PDZRN4: variants seen among roughly 807,000 people sequenced by gnomAD.
The protein encoded by PDZRN4 is PDZ domain containing ring finger 4, also known as PDZ domain-containing RING finger protein 4.
Under a neutral mutation model 99.0 loss-of-function variants are expected in PDZRN4, and 70 were observed. The ratio of observed to expected loss-of-function variants is 0.71; its 90% CI spans 0.58 to 0.86. PDZRN4 has a LOEUF of 0.86. Ranked by LOEUF, PDZRN4 falls within the 40% of genes least tolerant of loss-of-function variation. The pLI is 0.00. For synonymous variants in PDZRN4, 551 were observed against 501.6 expected (o/e 1.10, Z -1.32); for missense variants, 1,474 against 1,331.2 (o/e 1.11, Z -1.67).
intron 3 of PDZRN4, among the ~76,000 whole-genome samples, chr12:41,211,979 G>A (rs532032601): frequency 1.1e-4 from 16 of 151,992 alleles, no homozygotes; most frequent in Middle Eastern, 3.4e-3. Flanking sequence ...GTTTTATGGA[G>A]AAACTCCCTT....
intron 3 of PDZRN4, among the ~76,000 whole-genome samples, chr12:41,422,162 T>A (rs1033850341): frequency 6.6e-6 from 1 of 152,180 alleles, no homozygotes; most frequent in African/African-American, 2.4e-5. Flanking sequence ...GTACACCATA[T>A]CATATGCTAT....
At chr12:41,320,199 G>A (rs1412387451) in intron 3 of PDZRN4, among the ~76,000 whole-genome samples, 10 of 152,114 alleles carry the variant, frequency 6.6e-5, no homozygotes, top group Non-Finnish European at 1.2e-4. Context: ...TGGTGGTCTC[G>A]CCATCCCACT....
chr12:41,517,597 G>A (rs1446535846), intron 5 of PDZRN4, among the ~76,000 whole-genome samples: 1 of 152,074 alleles, frequency 6.6e-6, no homozygotes, highest in African/African-American at 2.4e-5. Context: ...TGTGGCCCCA[G>A]TTCTAGATCT....
At chr12:41,435,344 G>C (rs2730830) in intron 3 of PDZRN4, among the ~76,000 whole-genome samples, 81,810 of 152,084 alleles carry the variant, frequency 0.54, 23,016 homozygotes, top group African/African-American at 0.72. Flanking sequence ...CCAATAAGAA[G>C]CAGTTTTGAT....
At chr12:41,556,172 C>A (rs1226074690) in intron 7 of PDZRN4, among the ~76,000 whole-genome samples, 1 of 152,212 alleles carries the variant, frequency 6.6e-6, no homozygotes, top group African/African-American at 2.4e-5. Context: ...ATATTAATGG[C>A]TATTATTACT....
intron 3 of PDZRN4, among the ~76,000 whole-genome samples, chr12:41,214,536 A>T (rs1950909020): frequency 6.6e-6 from 1 of 151,566 alleles, no homozygotes; most frequent in African/African-American, 2.4e-5. Flanking sequence ...AATTCTGGCT[A>T]GAATAAATAG....
intron 3 of PDZRN4, among the ~76,000 whole-genome samples, chr12:41,276,860 C>T (rs894887795): frequency 2.0e-5 from 3 of 152,094 alleles, no homozygotes; most frequent in African/African-American, 7.2e-5. Context: ...CTGGATAAAC[C>T]AGAGTCAGCA....
At chr12:41,533,740 GTCCACAT>G (rs1447536790) in intron 5 of PDZRN4, among the ~76,000 whole-genome samples, 1 of 152,042 alleles carries the variant, frequency 6.6e-6, no homozygotes, top group African/African-American at 2.4e-5. Context: ...GGTGGTTCTT[GTCCACAT>G]TTCCATTTTG....
chr12:41,377,064 T>C (rs182947635), intron 3 of PDZRN4, among the ~76,000 whole-genome samples: 1 of 152,340 alleles, frequency 6.6e-6, no homozygotes, highest in Admixed American at 6.5e-5. Flanking sequence ...TTTTCAGCTC[T>C]TCTTTCTATT....
rs186303037 is a variant in PDZRN4 at position 41,532,108 on chromosome 12, T to C, written c.1204-20548T>C. Among the ~76,000 whole-genome samples, 288 of 152,318 alleles carry C rather than the reference T, an allele frequency of 1.9e-3. 1 individual carries two copies. The highest frequency in any genetic ancestry group is 6.4e-3 in the African/African-American group (268 of 41,578). On this transcript the variant is annotated intron_variant, in intron 5 of 9. Coordinates refer to ENST00000402685, the MANE Select transcript of PDZRN4 (RefSeq NM_001164595.2). ...CCACAGAGATTATTTTTTACTGTGGTTAGAATTTGGGGCCTAAATTTATTT... is the reference window on the plus strand; with the variant it reads ...CCACAGAGATTATTTTTTACTGTGGCTAGAATTTGGGGCCTAAATTTATTT...
At chr12:41,230,181 T>C (rs1211153511) in intron 3 of PDZRN4, among the ~76,000 whole-genome samples, 1 of 151,908 alleles carries the variant, frequency 6.6e-6, no homozygotes, top group Admixed American at 6.6e-5. Context: ...CAGCTTTAAG[T>C]TGATCAAGCA....
chr12:41,480,941 A>G (rs1479662931), intron 3 of PDZRN4, among the ~76,000 whole-genome samples: 1 of 152,032 alleles, frequency 6.6e-6, no homozygotes, highest in Non-Finnish European at 1.5e-5. Context: ...TAAATTAAGT[A>G]TAAAAGCCAA....
chr12:41,466,946 G>A (rs927436747), intron 3 of PDZRN4, among the ~76,000 whole-genome samples: 1 of 152,288 alleles, frequency 6.6e-6, no homozygotes, highest in African/African-American at 2.4e-5. Flanking sequence ...ACGCTGCTTC[G>A]CCTGATAAGG....
chr12:41,525,326 G>C (rs1938550808), intron 5 of PDZRN4, among the ~76,000 whole-genome samples: 1 of 152,176 alleles, frequency 6.6e-6, no homozygotes, highest in South Asian at 2.1e-4. Context: ...GAATCAGCCT[G>C]AAGTGAACTC....
At chr12:41,419,424 C>A (rs1952472476) in intron 3 of PDZRN4, among the ~76,000 whole-genome samples, 1 of 152,108 alleles carries the variant, frequency 6.6e-6, no homozygotes, top group African/African-American at 2.4e-5. Flanking sequence ...ACAGCTGGTC[C>A]AGTAACTATA....
At chr12:41,479,457 A>G (rs1230563283) in intron 3 of PDZRN4, among the ~76,000 whole-genome samples, 2 of 152,206 alleles carry the variant, frequency 1.3e-5, no homozygotes, top group African/African-American at 2.4e-5. Flanking sequence ...GCATGGGATT[A>G]TTTTATGAAA....
chr12:41,466,189 A>G (rs1952923433), intron 3 of PDZRN4, among the ~76,000 whole-genome samples: 1 of 152,144 alleles, frequency 6.6e-6, no homozygotes. Context: ...AAAAGCCCCA[A>G]ACTTCATTAA....
chr12:41,371,415 G>T (rs193104219), intron 3 of PDZRN4, among the ~76,000 whole-genome samples: 1 of 151,892 alleles, frequency 6.6e-6, no homozygotes, highest in African/African-American at 2.4e-5. Context: ...TTCTGAGTCA[G>T]TGATTGAATT....
chr12:41,228,358 A>G (rs1054727011), intron 3 of PDZRN4, among the ~76,000 whole-genome samples: 1 of 152,196 alleles, frequency 6.6e-6, no homozygotes, highest in Non-Finnish European at 1.5e-5. Flanking sequence ...TTGGGGCAGA[A>G]GTCAGACTTA....
Sources: gnomAD v4.1 joint callset for allele counts (sites outside exome capture counted in the v4.1 genomes callset) on GRCh38, gnomAD v4.1.1 for gene constraint, MANE v1.5 for transcripts, NCBI Gene and HGNC (gene_info 2026-07-23, HGNC 2026-07-21) for gene names.